Variants in WRN observed in about 807,000 individuals in gnomAD.
WRN encodes the protein WRN RecQ like helicase.
Under a neutral mutation model 180.7 loss-of-function variants are expected in WRN, and 149 were observed. The ratio of observed to expected loss-of-function variants is 0.82; its 90% CI spans 0.72 to 0.94. The LOEUF (loss-of-function observed/expected upper bound fraction) is 0.94. Among genes scored for constraint, WRN ranks in the 40% least tolerant of loss-of-function variants. WRN has a pLI of 0.00. For missense variants in WRN, 1,661 were observed against 1,700.1 expected, an observed-to-expected ratio of 0.98 and a Z score of 0.40; for synonymous variants, 548 against 568.9, an observed-to-expected ratio of 0.96 and a Z score of 0.52.
At chr8:31,168,961 G>A (rs1294327657) in intron 34 of WRN, among the ~76,000 whole-genome samples, 1 of 152,068 alleles carries the variant, frequency 6.6e-6, no homozygotes, top group African/African-American at 2.4e-5. Context: ...ATATCCATAG[G>A]TACATGGTGG....
intron 26 of WRN, among the ~76,000 whole-genome samples, chr8:31,142,157 G>A (rs984337861): frequency 6.6e-6 from 1 of 151,946 alleles, no homozygotes; most frequent in Admixed American, 6.6e-5. Context: ...GTGCTTCCTA[G>A]GCTGGTCTTG....
At position 31,141,461 on chromosome 8, in the gene WRN, G is replaced by A; in HGVS notation, c.2999G>A (p.Arg1000Lys). 2 of 1,614,080 alleles carry A rather than the reference G, an allele frequency of 1.2e-6. No individual in the cohort carries two copies. Among genetic ancestry groups the A allele is most frequent in the South Asian group, 1.1e-5 (1 of 91,074 alleles). The change falls in exon 25 of 35, where the codon AGG (arginine) becomes AAG (lysine). Residue 1000 changes from arginine (R) to lysine (K), a missense_variant. By Grantham distance (26) the Arg-to-Lys change is conservative (BLOSUM62 2). Around this residue, in one of 3 missense-constraint regions of WRN, gnomAD observed 1,141 missense variants for 1,149.4 expected, o/e 0.99. Coordinates refer to ENST00000298139, the MANE Select transcript of WRN (RefSeq NM_000553.6). ...CAGCGTCTTGCCGATCAATATCGCAGGCACAGTTTATTTGGCACTGGCAAG... is the reference window on the plus strand; with the variant it reads ...CAGCGTCTTGCCGATCAATATCGCAAGCACAGTTTATTTGGCACTGGCAAG... ...NSQRLADQYR[R>K]HSLFGTGKDQ...
At chr8:31,095,972 T>G (rs1448672298) in intron 16 of WRN, among the ~76,000 whole-genome samples, 1 of 152,220 alleles carries the variant, frequency 6.6e-6, no homozygotes, top group Non-Finnish European at 1.5e-5. Context: ...GCTGTCTTGA[T>G]AGTTATTGTC....
intron 21 of WRN, 121 bp from the exon 22 acceptor site, chr8:31,124,401 A>T: frequency 4.1e-6 from 3 of 736,494 alleles, no homozygotes; most frequent in Non-Finnish European, 4.5e-6. Context: ...ATGTTTTTTT[A>T]TCTTGATGGG....
chr8:31,054,659 G>C (rs143182921), intron 1 of WRN, among the ~76,000 whole-genome samples: 3 of 152,136 alleles, frequency 2.0e-5, no homozygotes, highest in Non-Finnish European at 4.4e-5. Context: ...ATCATAATAC[G>C]TTATTTTAAA....
chr8:31,172,875 T>C, intron 34 of WRN, 120 bp from the exon 35 acceptor site: 1 of 778,794 alleles, frequency 1.3e-6, no homozygotes, highest in Admixed American at 2.3e-5. Flanking sequence ...TACCACTATT[T>C]TGTTTGGATG....
At position 31,081,255 on chromosome 8, in the gene WRN, C is replaced by CA. The variant is rs1563339062; in HGVS notation, c.1229dup (p.Glu411GlyfsTer5). ...ACTCCAAATTTTGGAACAGCAGTCT[C>CA]AGGAAGAATATCTTAGTGATATTGC... On this transcript the variant is annotated frameshift_variant, in exon 9 of 35. Coordinates refer to ENST00000298139, the MANE Select transcript of WRN (RefSeq NM_000553.6). LOFTEE classifies it high-confidence loss of function. The CA allele has an allele frequency of 1.1e-5, 17 of 1,613,144 alleles. No individual in the cohort carries two copies. The highest frequency in any genetic ancestry group is 1.4e-5 in the Non-Finnish European group (16 of 1,179,384).
chr8:31,036,080 T>C (rs1374336046), intron 1 of WRN, among the ~76,000 whole-genome samples: 1 of 152,206 alleles, frequency 6.6e-6, no homozygotes, highest in Non-Finnish European at 1.5e-5. Flanking sequence ...GACATCAAAT[T>C]TTTTAGCTCC....
intron 16 of WRN, among the ~76,000 whole-genome samples, chr8:31,095,574 G>A (rs1813930532): frequency 6.6e-6 from 1 of 152,144 alleles, no homozygotes; most frequent in Non-Finnish European, 1.5e-5. Context: ...GTTGTCTATT[G>A]TATGAGGTAT....
intron 21 of WRN, 113 bp from the exon 22 acceptor site, chr8:31,124,409 G>T: frequency 2.6e-6 from 2 of 772,224 alleles, no homozygotes; most frequent in Non-Finnish European, 2.1e-6. Flanking sequence ...TTATCTTGAT[G>T]GGGTGTGGGT....
intron 24 of WRN, among the ~76,000 whole-genome samples, chr8:31,133,441 C>T (rs1031317665): frequency 9.9e-5 from 15 of 151,806 alleles, no homozygotes; most frequent in East Asian, 1.9e-4. Flanking sequence ...AGGAGAATGG[C>T]GTGAACGTGG....
At chr8:31,102,426 G>A (rs1285509923) in intron 18 of WRN, among the ~76,000 whole-genome samples, 1 of 152,162 alleles carries the variant, frequency 6.6e-6, no homozygotes, top group African/African-American at 2.4e-5. Context: ...AGGACATTTT[G>A]TGGTTGTCTG....
At chr8:31,103,550 T>C (rs2262639) in intron 18 of WRN, among the ~76,000 whole-genome samples, 56,845 of 124,928 alleles carry the variant, frequency 0.46, 11,967 homozygotes, top group East Asian at 0.67. Flanking sequence ...TGCCGTTAAG[T>C]ACCACATGAC....
In WRN at chr8:31,068,243, T is replaced by G; in HGVS notation, c.655-15T>G. 1 of 1,583,672 alleles carries G rather than the reference T, an allele frequency of 6.3e-7. No individual in the cohort carries two copies. The highest frequency in any genetic ancestry group is 8.6e-7 in the Non-Finnish European group (1 of 1,156,628). On this transcript the variant is annotated splice_polypyrimidine_tract_variant and intron_variant, in intron 6 of 34. Transcript: ENST00000298139. ...ATCTTTAGCATACTTTTTAAATTTT[T>G]CTGTTTTTTTATAGGCTGGTTTTAT... is the stretch of plus-strand genomic sequence containing the variant.
chr8:31,053,873 G>A (rs1438252779), intron 1 of WRN, among the ~76,000 whole-genome samples: 2 of 152,136 alleles, frequency 1.3e-5, no homozygotes, highest in Non-Finnish European at 2.9e-5. Context: ...TGAAATACTT[G>A]ATATAAAAAA....
intron 31 of WRN, 64 bp downstream of exon 31, chr8:31,150,519 T>C: frequency 7.2e-7 from 1 of 1,393,730 alleles, no homozygotes; most frequent in Middle Eastern, 1.8e-4. Flanking sequence ...ATTTCAAAAG[T>C]ACCCTCCAGA....
intron 1 of WRN, among the ~76,000 whole-genome samples, chr8:31,041,840 T>C (rs1198635880): frequency 6.6e-6 from 1 of 152,260 alleles, no homozygotes; most frequent in East Asian, 1.9e-4. Context: ...GCTTTTCACC[T>C]GCTGCATTCA....
chr8:31,156,129 T>C (rs895906378), intron 32 of WRN, among the ~76,000 whole-genome samples: 3 of 152,216 alleles, frequency 2.0e-5, no homozygotes, highest in Non-Finnish European at 4.4e-5. Context: ...TATACCTAAT[T>C]TGACCATGTA....
At chr8:31,155,886 G>T (rs1240212990) in intron 32 of WRN, among the ~76,000 whole-genome samples, 1 of 152,066 alleles carries the variant, frequency 6.6e-6, no homozygotes, top group African/African-American at 2.4e-5. Flanking sequence ...TCTTGTTCAG[G>T]TTTTATCATT....
Sources: gnomAD v4.1 joint callset for allele counts (sites outside exome capture counted in the v4.1 genomes callset) on GRCh38, gnomAD v4.1.1 for gene constraint, gnomAD v4.1.1 regional missense constraint, MANE v1.5 for transcripts, NCBI Gene and HGNC (gene_info 2026-07-23, HGNC 2026-07-21) for gene names.